FBXL7: variants seen among roughly 807,000 people sequenced by gnomAD.
FBXL7 encodes the protein F-box and leucine rich repeat protein 7.
A neutral mutation model predicts 38.3 loss-of-function variants in FBXL7; 12 were observed. The ratio of observed to expected loss-of-function variants is 0.31; its 90% CI spans 0.20 to 0.51. The LOEUF (loss-of-function observed/expected upper bound fraction) is 0.51. FBXL7 is among the 20% of genes least tolerant of loss of function. FBXL7 has a pLI of 0.98. For synonymous variants in FBXL7, 297 were observed against 300.9 expected, an observed-to-expected ratio of 0.99 and a Z score of 0.13; for missense variants, 567 against 676.4, an observed-to-expected ratio of 0.84 and a Z score of 1.79.
chr5:15,731,576 A>T (rs1735585752), intron 2 of FBXL7, among the ~76,000 whole-genome samples: 1 of 152,056 alleles, frequency 6.6e-6, no homozygotes, highest in African/African-American at 2.4e-5. Flanking sequence ...AAAAAGGGAA[A>T]TATTGCTTTG....
chr5:15,651,834 T>G (rs1380457930), intron 2 of FBXL7, among the ~76,000 whole-genome samples: 1 of 152,214 alleles, frequency 6.6e-6, no homozygotes, highest in African/African-American at 2.4e-5. Context: ...TCTCTAGCTG[T>G]GAAAGTTCTG....
chr5:15,676,822 G>C (rs140232888), intron 2 of FBXL7, among the ~76,000 whole-genome samples: 1 of 152,110 alleles, frequency 6.6e-6, no homozygotes, highest in South Asian at 2.1e-4. Context: ...ACTCATGAAC[G>C]TGTCCCCAAG....
chr5:15,777,919 C>A (rs1362953468), intron 2 of FBXL7, among the ~76,000 whole-genome samples: 1 of 151,752 alleles, frequency 6.6e-6, no homozygotes, highest in African/African-American at 2.4e-5. Flanking sequence ...CACATGAACG[C>A]CAGCAATCAG....
intron 2 of FBXL7, among the ~76,000 whole-genome samples, chr5:15,725,685 G>A (rs547899200): frequency 2.6e-5 from 4 of 152,214 alleles, no homozygotes; most frequent in Admixed American, 6.5e-5. Context: ...ACCAAGGCTG[G>A]AGTGCAGTGG....
chr5:15,771,035 C>T (rs1470653001), intron 2 of FBXL7, among the ~76,000 whole-genome samples: 1 of 152,186 alleles, frequency 6.6e-6, no homozygotes, highest in East Asian at 1.9e-4. Flanking sequence ...CTTTGCTCAT[C>T]CCATCCTCCT....
chr5:15,549,441 G>T (rs961155558), intron 1 of FBXL7, among the ~76,000 whole-genome samples: 1 of 152,088 alleles, frequency 6.6e-6, no homozygotes, highest in Admixed American at 6.6e-5. Flanking sequence ...ATTACATCAC[G>T]TGGGCCAAAT....
At chr5:15,537,514 G>A (rs895504627) in intron 1 of FBXL7, among the ~76,000 whole-genome samples, 1 of 152,220 alleles carries the variant, frequency 6.6e-6, no homozygotes, top group South Asian at 2.1e-4. Flanking sequence ...GATATTCTTA[G>A]CAAGAGCCGT....
chr5:15,721,408 A>C (rs1744190370), intron 2 of FBXL7, among the ~76,000 whole-genome samples: 1 of 152,198 alleles, frequency 6.6e-6, no homozygotes, highest in African/African-American at 2.4e-5. Context: ...ATATGTGGGA[A>C]GTGCCCTGCC....
At chr5:15,744,850 G>A (rs897208672) in intron 2 of FBXL7, among the ~76,000 whole-genome samples, 4 of 152,046 alleles carry the variant, frequency 2.6e-5, no homozygotes, top group African/African-American at 4.8e-5. Flanking sequence ...CCTTCTTCAC[G>A]TGTCAGCAGA....
intron 2 of FBXL7, among the ~76,000 whole-genome samples, chr5:15,810,833 T>A (rs1737841662): frequency 6.6e-6 from 1 of 152,198 alleles, no homozygotes; most frequent in South Asian, 2.1e-4. Context: ...ATCTCTCTTA[T>A]TTATTTTGTA....
intron 2 of FBXL7, among the ~76,000 whole-genome samples, chr5:15,678,669 C>G (rs1396637692): frequency 6.6e-6 from 1 of 152,112 alleles, no homozygotes; most frequent in African/African-American, 2.4e-5. Context: ...ACTGGTTTCC[C>G]CCATACTGTT....
intron 1 of FBXL7, among the ~76,000 whole-genome samples, chr5:15,583,777 T>A (rs961237611): frequency 3.3e-5 from 5 of 152,126 alleles, no homozygotes; most frequent in Admixed American, 6.5e-5. Flanking sequence ...CTCTGGAGGA[T>A]GATGGTCCTC....
chr5:15,912,875 G>A (rs1422756734), intron 2 of FBXL7, among the ~76,000 whole-genome samples: 1 of 152,090 alleles, frequency 6.6e-6, no homozygotes, highest in Non-Finnish European at 1.5e-5. Context: ...AACTTAGACT[G>A]TAGTAGGCCC....
intron 1 of FBXL7, among the ~76,000 whole-genome samples, chr5:15,532,841 T>G (rs1051201413): frequency 2.0e-5 from 3 of 152,216 alleles, no homozygotes; most frequent in African/African-American, 7.2e-5. Context: ...GGTGGATGTA[T>G]TCAAGAACCA....
intron 2 of FBXL7, among the ~76,000 whole-genome samples, chr5:15,878,460 T>C (rs1361167089): frequency 6.6e-6 from 1 of 152,158 alleles, no homozygotes; most frequent in Non-Finnish European, 1.5e-5. Flanking sequence ...TGGACCAGTG[T>C]GGGCTCTCGA....
At chr5:15,912,360 G>A (rs1290362573) in intron 2 of FBXL7, among the ~76,000 whole-genome samples, 2 of 136,634 alleles carry the variant, frequency 1.5e-5, no homozygotes, top group Non-Finnish European at 3.1e-5. Flanking sequence ...CCCAGGTGAG[G>A]CAATGCCTCG....
intron 1 of FBXL7, among the ~76,000 whole-genome samples, chr5:15,503,173 C>T (rs905744013): frequency 1.3e-5 from 2 of 152,144 alleles, no homozygotes; most frequent in Non-Finnish European, 2.9e-5. Flanking sequence ...GTAATCCCAC[C>T]AATTTGAGAG....
chr5:15,802,761 C>G (rs1287147662), intron 2 of FBXL7, among the ~76,000 whole-genome samples: 1 of 151,864 alleles, frequency 6.6e-6, no homozygotes, highest in Non-Finnish European at 1.5e-5. Flanking sequence ...TCCAGTGATT[C>G]TCCTGGCTCA....
intron 2 of FBXL7, among the ~76,000 whole-genome samples, chr5:15,870,112 T>A (rs971427702): frequency 5.3e-5 from 8 of 151,974 alleles, no homozygotes; most frequent in Admixed American, 4.6e-4. Flanking sequence ...CCTCTGTCAA[T>A]AATAACAATA....
Sources: gnomAD v4.1 joint callset for allele counts (sites outside exome capture counted in the v4.1 genomes callset) on GRCh38, gnomAD v4.1.1 for gene constraint, MANE v1.5 for transcripts, NCBI Gene and HGNC (gene_info 2026-07-23, HGNC 2026-07-21) for gene names.